Variants in MCTP1 observed in about 807,000 individuals in gnomAD.
MCTP1 encodes the protein multiple C2 and transmembrane domain-containing protein 1.
MCTP1 carries 69 observed loss-of-function variants against 120.6 expected under a neutral mutation model. The ratio of observed to expected loss-of-function variants is 0.57; its 90% CI spans 0.47 to 0.70. The LOEUF is 0.70. Ranked by LOEUF, MCTP1 falls within the 30% of genes least tolerant of loss-of-function variation. MCTP1 has a pLI of 0.00. For missense variants in MCTP1, 1,203 were observed against 1,248.8 expected, an observed-to-expected ratio of 0.96 and a Z score of 0.55; for synonymous variants, 529 against 493.1, an observed-to-expected ratio of 1.07 and a Z score of -0.96.
At chr5:94,988,286 AC>A (rs1830771303) in intron 2 of MCTP1, among the ~76,000 whole-genome samples, 1 of 144,838 alleles carries the variant, frequency 6.9e-6, no homozygotes, top group Admixed American at 7.4e-5. Context: ...TTTAAAGAAT[AC>A]CTTTACGTTA....
chr5:94,924,064 G>T, intron 6 of MCTP1, 43 bp from the exon 7 acceptor site: 1 of 1,177,096 alleles, frequency 8.5e-7, no homozygotes, highest in South Asian at 1.6e-5. Flanking sequence ...AGATGTTTTT[G>T]AGAATAATTA....
intron 2 of MCTP1, among the ~76,000 whole-genome samples, chr5:94,997,194 G>A (rs1387170001): frequency 1.3e-5 from 2 of 152,138 alleles, no homozygotes; most frequent in African/African-American, 4.8e-5. Context: ...GCTTCAACAT[G>A]CTGAGAGACC....
rs538706353 is a variant in MCTP1 at position 94,982,524 on chromosome 5, A to G, written c.839-29163T>C. On this transcript the variant is annotated intron_variant, in intron 2 of 22. Transcript: ENST00000515393. ...GACTGAATATGATGAAATTTCATTC[A>G]TGTCTATGATTATGTTACTTATATG... Among the ~76,000 whole-genome samples, 5 of 152,228 alleles carry G rather than the reference A, an allele frequency of 3.3e-5. No individual in the cohort carries two copies. The South Asian group carries it at 1.0e-3, about 32-fold the overall frequency.
At chr5:95,028,890 G>A (rs545595966) in intron 1 of MCTP1, among the ~76,000 whole-genome samples, 2 of 152,158 alleles carry the variant, frequency 1.3e-5, no homozygotes, top group Admixed American at 6.5e-5. Context: ...GGCCGGGCAC[G>A]GTGGCTCACG....
chr5:95,100,404 G>C (rs1756640196), intron 1 of MCTP1, among the ~76,000 whole-genome samples: 1 of 152,104 alleles, frequency 6.6e-6, no homozygotes, highest in Non-Finnish European at 1.5e-5. Context: ...TTCAGAAAAT[G>C]AGGTTTTCAT....
intron 1 of MCTP1, among the ~76,000 whole-genome samples, chr5:95,115,989 C>T (rs1041817733): frequency 1.3e-5 from 2 of 150,796 alleles, no homozygotes; most frequent in African/African-American, 2.4e-5. Flanking sequence ...ACTTAAAGTG[C>T]TAAAGGAAAA....
At chr5:95,075,137 T>C (rs958262959) in intron 1 of MCTP1, among the ~76,000 whole-genome samples, 2 of 152,216 alleles carry the variant, frequency 1.3e-5, no homozygotes, top group Non-Finnish European at 2.9e-5. Context: ...TCATGGACAT[T>C]TTACAGCTGG....
intron 1 of MCTP1, among the ~76,000 whole-genome samples, chr5:95,104,652 A>G (rs1179384363): frequency 3.3e-5 from 5 of 152,194 alleles, no homozygotes; most frequent in Non-Finnish European, 7.3e-5. Flanking sequence ...CTACAATACA[A>G]TGTGCATTTT....
chr5:95,114,993 G>A (rs954628992), intron 1 of MCTP1, among the ~76,000 whole-genome samples: 4 of 152,122 alleles, frequency 2.6e-5, no homozygotes, highest in Non-Finnish European at 4.4e-5. Context: ...TGGTAATCCC[G>A]AGAATACTTC....
chr5:95,239,288 T>C (rs1027063004), intron 1 of MCTP1, among the ~76,000 whole-genome samples: 6 of 152,184 alleles, frequency 3.9e-5, no homozygotes, highest in African/African-American at 1.4e-4. Flanking sequence ...AAACTTTCTA[T>C]GACCACAATT....
chr5:95,001,656 GA>G (rs1238426517), intron 2 of MCTP1, among the ~76,000 whole-genome samples: 1 of 152,298 alleles, frequency 6.6e-6, no homozygotes, highest in African/African-American at 2.4e-5. Context: ...GTGGAATTTT[GA>G]ACTTGAGAGA....
At chr5:95,126,108 T>C (rs1241075313) in intron 1 of MCTP1, among the ~76,000 whole-genome samples, 1 of 152,142 alleles carries the variant, frequency 6.6e-6, no homozygotes, top group African/African-American at 2.4e-5. Context: ...GCTAGAGCTA[T>C]GGGGGGAGAA....
chr5:95,069,907 G>A (rs1277371154), intron 1 of MCTP1, among the ~76,000 whole-genome samples: 1 of 151,894 alleles, frequency 6.6e-6, no homozygotes, highest in Non-Finnish European at 1.5e-5. Flanking sequence ...GTTTCACCGT[G>A]TTAGCCAGGA....
intron 1 of MCTP1, among the ~76,000 whole-genome samples, chr5:95,211,550 A>G (rs1005148905): frequency 3.3e-5 from 5 of 151,980 alleles, no homozygotes; most frequent in African/African-American, 1.2e-4. Flanking sequence ...ACTTCTCTGT[A>G]TTGGTTATTC....
At chr5:94,832,609 A>AACACACACAC (rs59233492) in intron 17 of MCTP1, among the ~76,000 whole-genome samples, 274 of 147,234 alleles carry the variant, frequency 1.9e-3, no homozygotes, top group African/African-American at 6.6e-3. Flanking sequence ...GGGCTAGCTG[A>AACACACACAC]ACACACACAC....
chr5:95,124,184 A>G (rs1225321558), intron 1 of MCTP1, among the ~76,000 whole-genome samples: 1 of 152,198 alleles, frequency 6.6e-6, no homozygotes, highest in Non-Finnish European at 1.5e-5. Flanking sequence ...CTTAGATCTC[A>G]GATAAATGAA....
At chr5:95,062,533 A>G (rs1749505261) in intron 1 of MCTP1, among the ~76,000 whole-genome samples, 1 of 152,200 alleles carries the variant, frequency 6.6e-6, no homozygotes, top group African/African-American at 2.4e-5. Context: ...TCAGACAGGC[A>G]GCACAATAAG....
chr5:95,176,792 G>A (rs1056878125), intron 1 of MCTP1, among the ~76,000 whole-genome samples: 5 of 152,092 alleles, frequency 3.3e-5, no homozygotes, highest in Non-Finnish European at 5.9e-5. Flanking sequence ...CTGGGAGATC[G>A]AGGCTGCAGT....
intron 1 of MCTP1, among the ~76,000 whole-genome samples, chr5:95,149,127 C>T (rs1760670241): frequency 6.6e-6 from 1 of 152,182 alleles, no homozygotes; most frequent in Non-Finnish European, 1.5e-5. Context: ...ACTTCTGTGT[C>T]CTGGAGGAGC....
Sources: gnomAD v4.1 joint callset for allele counts (sites outside exome capture counted in the v4.1 genomes callset) on GRCh38, gnomAD v4.1.1 for gene constraint, MANE v1.5 for transcripts, NCBI Gene and HGNC (gene_info 2026-07-23, HGNC 2026-07-21) for gene names.